Variants in NEGR1 observed in about 807,000 individuals in gnomAD.
The protein encoded by NEGR1 is IgLON family member 4.
Under a neutral mutation model 40.9 loss-of-function variants are expected in NEGR1, and 10 were observed. The ratio of observed to expected loss-of-function variants is 0.24; its 90% confidence interval spans 0.15 to 0.42. The LOEUF (loss-of-function observed/expected upper bound fraction) is 0.42. Among genes scored for constraint, NEGR1 ranks in the 10% least tolerant of loss-of-function variants. NEGR1 has a pLI of 1.00. For synonymous variants in NEGR1, 185 were observed against 166.8 expected (o/e 1.11, Z -0.84); for missense variants, 352 against 438.9 (o/e 0.80, Z 1.77).
chr1:71,709,058 CA>C (rs1653994737), intron 3 of NEGR1, among the ~76,000 whole-genome samples: 1 of 152,156 alleles, frequency 6.6e-6, no homozygotes, highest in South Asian at 2.1e-4. Context: ...AATGAACATA[CA>C]GGTGCATGTG....
chr1:71,494,044 A>G (rs1569944048), intron 6 of NEGR1, among the ~76,000 whole-genome samples: 1 of 152,152 alleles, frequency 6.6e-6, no homozygotes, highest in African/African-American at 2.4e-5. Flanking sequence ...AGACAGTGTA[A>G]TAAGGAATTT....
chr1:71,946,049 CT>C (rs61219675), intron 1 of NEGR1, among the ~76,000 whole-genome samples: 1 of 151,340 alleles, frequency 6.6e-6, no homozygotes, highest in Middle Eastern at 3.4e-3. Flanking sequence ...CTATTCGTTT[CT>C]TTTTTTTTGT....
intron 6 of NEGR1, among the ~76,000 whole-genome samples, chr1:71,493,573 A>C (rs1646943412): frequency 6.6e-6 from 1 of 152,126 alleles, no homozygotes; most frequent in South Asian, 2.1e-4. Flanking sequence ...TTAAACATAT[A>C]CTGTTTCCAT....
At chr1:71,807,587 A>G (rs966254613) in intron 2 of NEGR1, among the ~76,000 whole-genome samples, 2 of 152,164 alleles carry the variant, frequency 1.3e-5, no homozygotes, top group African/African-American at 4.8e-5. Flanking sequence ...GCTGCATACA[A>G]TGCTCTGATT....
chr1:72,030,932 T>TA (rs1166789581), intron 1 of NEGR1, among the ~76,000 whole-genome samples: 1 of 152,234 alleles, frequency 6.6e-6, no homozygotes, highest in Non-Finnish European at 1.5e-5. Context: ...GTAGCATTCT[T>TA]AAAACAATCA....
chr1:72,003,578 GA>G (rs1184128494), intron 1 of NEGR1, among the ~76,000 whole-genome samples: 1 of 151,626 alleles, frequency 6.6e-6, no homozygotes, highest in Non-Finnish European at 1.5e-5. Flanking sequence ...CTAAATGGAG[GA>G]ATCTAGGAAG....
At chr1:71,669,926 C>T (rs1437885181) in intron 4 of NEGR1, among the ~76,000 whole-genome samples, 3 of 152,116 alleles carry the variant, frequency 2.0e-5, no homozygotes, top group Admixed American at 6.5e-5. Flanking sequence ...GGATTATAGG[C>T]GTGAGCCACC....
chr1:71,980,227 C>T (rs1409438223), intron 1 of NEGR1, among the ~76,000 whole-genome samples: 2 of 152,020 alleles, frequency 1.3e-5, no homozygotes, highest in Non-Finnish European at 2.9e-5. Flanking sequence ...TTAAACTATG[C>T]ATGTATATTA....
chr1:71,951,613 A>T (rs1646071098), intron 1 of NEGR1, among the ~76,000 whole-genome samples: 1 of 152,002 alleles, frequency 6.6e-6, no homozygotes, highest in African/African-American at 2.4e-5. Context: ...GCTTCTTTTA[A>T]TAAACTTACA....
chr1:71,465,832 G>T (rs1432488883), intron 6 of NEGR1, among the ~76,000 whole-genome samples: 1 of 151,806 alleles, frequency 6.6e-6, no homozygotes, highest in East Asian at 1.9e-4. Flanking sequence ...GATTAGAGTA[G>T]AAAAAAGGAG....
chr1:71,920,804 A>C (rs1645710227), intron 2 of NEGR1, among the ~76,000 whole-genome samples: 3 of 152,150 alleles, frequency 2.0e-5, no homozygotes, highest in African/African-American at 7.2e-5. Flanking sequence ...CAAAGCTCAG[A>C]ATACTTCTAG....
intron 1 of NEGR1, among the ~76,000 whole-genome samples, chr1:72,276,186 T>C (rs2100565575): frequency 6.6e-6 from 1 of 152,192 alleles, no homozygotes; most frequent in East Asian, 1.9e-4. Flanking sequence ...GGTAGAAAAA[T>C]GATCTGATTT....
At chr1:71,868,437 AGAT>A (rs1449186128) in intron 2 of NEGR1, among the ~76,000 whole-genome samples, 4 of 44,632 alleles carry the variant, frequency 9.0e-5, no homozygotes, top group Non-Finnish European at 1.3e-4. Flanking sequence ...AGATGATAGA[AGAT>A]AGATAGATAG....
chr1:72,023,311 C>A (rs373487963), intron 1 of NEGR1, among the ~76,000 whole-genome samples: 1 of 152,016 alleles, frequency 6.6e-6, no homozygotes, highest in African/African-American at 2.4e-5. Context: ...CAAATTAAGC[C>A]CAAATCCTTT....
intron 1 of NEGR1, among the ~76,000 whole-genome samples, chr1:72,038,441 C>A (rs1646923635): frequency 6.6e-6 from 1 of 151,992 alleles, no homozygotes; most frequent in African/African-American, 2.4e-5. Flanking sequence ...TTTTCAAGGT[C>A]AAGGAAGTTA....
intron 6 of NEGR1, among the ~76,000 whole-genome samples, chr1:71,533,971 A>C (rs1647436533): frequency 6.6e-6 from 1 of 151,720 alleles, no homozygotes; most frequent in African/African-American, 2.4e-5. Flanking sequence ...TTAGTTAATA[A>C]GGAAATTCTA....
chr1:71,734,920 C>A (rs1654998965), intron 3 of NEGR1, among the ~76,000 whole-genome samples: 1 of 151,674 alleles, frequency 6.6e-6, no homozygotes, highest in South Asian at 2.1e-4. Flanking sequence ...TTTTTTTTCC[C>A]CTCCATTTCC....
intron 6 of NEGR1, among the ~76,000 whole-genome samples, chr1:71,436,620 T>TAC (rs1469987163): frequency 1.3e-5 from 2 of 152,296 alleles, no homozygotes; most frequent in Non-Finnish European, 2.9e-5. Context: ...TTCTGTAAGT[T>TAC]ACATCAAGTG....
intron 1 of NEGR1, among the ~76,000 whole-genome samples, chr1:72,223,624 T>A (rs1654081817): frequency 6.6e-6 from 1 of 152,130 alleles, no homozygotes. Context: ...GAAATAAAAT[T>A]ACTCTATACA....
Sources: gnomAD v4.1 joint callset for allele counts (sites outside exome capture counted in the v4.1 genomes callset) on GRCh38, gnomAD v4.1.1 for gene constraint, MANE v1.5 for transcripts, NCBI Gene and HGNC (gene_info 2026-07-23, HGNC 2026-07-21) for gene names.